COG5: variants seen among roughly 807,000 people sequenced by gnomAD.
COG5 encodes conserved oligomeric Golgi complex subunit 5.
Under a neutral mutation model 110.4 loss-of-function variants are expected in COG5, and 86 were observed. That is an observed-to-expected ratio of 0.78 (90% confidence interval 0.65 to 0.93). The LOEUF (loss-of-function observed/expected upper bound fraction) is 0.93, where lower values mean the gene tolerates loss of function less well. Ranked by LOEUF, COG5 falls within the 40% of genes least tolerant of loss-of-function variation. The pLI is 0.00. For missense variants in COG5, 1,077 were observed against 987.0 expected, an observed-to-expected ratio of 1.09 and a Z score of -1.22; for synonymous variants, 360 against 334.6, an observed-to-expected ratio of 1.08 and a Z score of -0.83.
chr7:107,405,790 A>C (rs1316858206), intron 7 of COG5, among the ~76,000 whole-genome samples: 2 of 152,154 alleles, frequency 1.3e-5, no homozygotes, highest in East Asian at 1.9e-4. Context: ...TTGGGAGGTG[A>C]CTATATCATG....
At chr7:107,505,108 G>C (rs1036842014) in intron 6 of COG5, among the ~76,000 whole-genome samples, 9 of 152,102 alleles carry the variant, frequency 5.9e-5, no homozygotes, top group Non-Finnish European at 1.2e-4. Flanking sequence ...GTCTCTTGAC[G>C]CTTAATCTCA....
rs35466632 is a variant in COG5 at position 107,499,408 on chromosome 7, A to ATT, written c.538+27827_538+27828dup. 1.4e-3 allele frequency among the ~76,000 whole-genome samples: 207 copies of ATT among 145,810 alleles called. 1 individual carries two copies. Among genetic ancestry groups the ATT allele is most frequent in the Non-Finnish European group, 2.0e-3 (132 of 66,080 alleles). ...TAAAAAACAAAGGGAAGAGGAGTAA[A>ATT]TTTTTTTTTTTTTTTGAGATGGAGT... On this transcript the variant is annotated intron_variant, in intron 6 of 21. Transcript: ENST00000297135.
intron 12 of COG5, 58 bp from the exon 13 acceptor site, chr7:107,283,790 G>T: frequency 8.0e-7 from 1 of 1,244,652 alleles, no homozygotes; most frequent in Non-Finnish European, 1.2e-6. Flanking sequence ...AAATGCTATT[G>T]TATCAGGCTG....
intron 6 of COG5, among the ~76,000 whole-genome samples, chr7:107,450,743 A>C (rs978932833): frequency 3.9e-5 from 6 of 152,326 alleles, no homozygotes; most frequent in African/African-American, 1.2e-4. Flanking sequence ...GAAAAAGATA[A>C]ACACTACTGC....
At chr7:107,523,500 C>T (rs1462792614) in intron 6 of COG5, among the ~76,000 whole-genome samples, 1 of 151,926 alleles carries the variant, frequency 6.6e-6, no homozygotes, top group Non-Finnish European at 1.5e-5. Flanking sequence ...GGAAGTAGAA[C>T]TTTCAAATAC....
chr7:107,472,826 T>C (rs1796718351), intron 6 of COG5: 1 of 151,924 alleles, frequency 6.6e-6, no homozygotes, highest in Non-Finnish European at 1.5e-5. Context: ...ATAATTTATG[T>C]TGAATATGAT....
intron 6 of COG5, among the ~76,000 whole-genome samples, chr7:107,492,168 A>AGTT (rs1554448588): frequency 7.1e-6 from 1 of 141,638 alleles, no homozygotes; most frequent in African/African-American, 2.6e-5. Context: ...AACAATGGGT[A>AGTT]GTGTGTGTGT....
intron 14 of COG5, among the ~76,000 whole-genome samples, chr7:107,269,444 C>T (rs548722444): frequency 6.7e-6 from 1 of 148,898 alleles, no homozygotes; most frequent in African/African-American, 2.5e-5. Flanking sequence ...CACTGCACTC[C>T]AGCCTGGGCG....
At chr7:107,550,725 A>T (rs1383282881) in intron 3 of COG5, among the ~76,000 whole-genome samples, 2 of 152,080 alleles carry the variant, frequency 1.3e-5, no homozygotes, top group Non-Finnish European at 2.9e-5. Context: ...CTGTTTTCTG[A>T]GATACAGTCT....
At chr7:107,521,069 G>A (rs1800289321) in intron 6 of COG5, among the ~76,000 whole-genome samples, 1 of 152,184 alleles carries the variant, frequency 6.6e-6, no homozygotes, top group African/African-American at 2.4e-5. Flanking sequence ...AATAAATGGT[G>A]CTGGGAAAAC....
Position 107,256,661 on chromosome 7 carries a change from T to C in COG5, c.1749+71A>G, listed in dbSNP as rs188992521. On this transcript the variant is annotated intron_variant, in intron 16 of 21. Coordinates refer to ENST00000297135, the MANE Select transcript of COG5 (RefSeq NM_006348.5). ...TTCTGAATTATTATAAAATGTGACA[T>C]TGCCCACTCAGCAAAACAAATAATC... 3.1e-4 allele frequency: 294 copies of C among 944,202 alleles called. 3 individuals carry two copies. The highest frequency in any genetic ancestry group is 2.4e-3 in the African/African-American group (146 of 61,832). The allele number at this position is 944,202 out of a possible 1,614,324, so 58.5% of individuals were successfully genotyped here.
At chr7:107,539,219 C>T (rs1801807243) in intron 5 of COG5, among the ~76,000 whole-genome samples, 1 of 152,186 alleles carries the variant, frequency 6.6e-6, no homozygotes, top group African/African-American at 2.4e-5. Context: ...GAGCAAGACC[C>T]TGTCTCAAAA....
chr7:107,532,697 A>G (rs1256515576), intron 5 of COG5, among the ~76,000 whole-genome samples: 1 of 152,208 alleles, frequency 6.6e-6, no homozygotes, highest in Non-Finnish European at 1.5e-5. Context: ...TAAGATTCCT[A>G]GCTCTCAAGG....
intron 6 of COG5, among the ~76,000 whole-genome samples, chr7:107,460,995 T>C (rs536895739): frequency 2.6e-5 from 4 of 152,242 alleles, no homozygotes; most frequent in African/African-American, 7.2e-5. Flanking sequence ...TCAAATGTCT[T>C]CTCTAGTGAA....
chr7:107,551,874 C>G (rs1463318613), intron 3 of COG5, among the ~76,000 whole-genome samples: 1 of 152,204 alleles, frequency 6.6e-6, no homozygotes, highest in Non-Finnish European at 1.5e-5. Flanking sequence ...CCTTGGCCTC[C>G]CAGAGTGCTG....
At chr7:107,431,000 AAAAC>A (rs1227227835) in intron 6 of COG5, among the ~76,000 whole-genome samples, 9 of 152,196 alleles carry the variant, frequency 5.9e-5, no homozygotes, top group Non-Finnish European at 8.8e-5. Flanking sequence ...AAAAACCAAA[AAAAC>A]AAACAAACAA....
At chr7:107,430,982 C>G (rs563239319) in intron 6 of COG5, among the ~76,000 whole-genome samples, 4 of 152,086 alleles carry the variant, frequency 2.6e-5, no homozygotes, top group African/African-American at 9.6e-5. Context: ...GGGAAGTGGA[C>G]AACCTCCAAA....
chr7:107,306,778 A>G (rs1807750662), intron 11 of COG5, among the ~76,000 whole-genome samples: 1 of 152,120 alleles, frequency 6.6e-6, no homozygotes, highest in Non-Finnish European at 1.5e-5. Flanking sequence ...CATCTTTCCT[A>G]TCTCACAGAA....
chr7:107,284,380 T>A (rs1805450801), intron 12 of COG5, among the ~76,000 whole-genome samples: 2 of 152,358 alleles, frequency 1.3e-5, no homozygotes, highest in South Asian at 4.1e-4. Flanking sequence ...AAATCATACC[T>A]ATAGAGTTAT....
Sources: allele counts gnomAD v4.1 joint callset (sites outside exome capture counted in the v4.1 genomes callset), GRCh38; gene constraint gnomAD v4.1.1; transcripts MANE v1.5; gene names NCBI Gene and HGNC (gene_info 2026-07-23, HGNC 2026-07-21).